Variants in TMPRSS4 observed in about 807,000 individuals in gnomAD.
TMPRSS4 encodes the protein transmembrane serine protease 4.
TMPRSS4 carries 45 observed loss-of-function variants against 56.4 expected under a neutral mutation model. The observed-to-expected ratio is 0.80, with a 90% CI of 0.63 to 1.02. TMPRSS4 has a LOEUF of 1.02. Ranked by LOEUF, TMPRSS4 falls within the 50% of genes least tolerant of loss-of-function variation. TMPRSS4 has a pLI of 0.00. For synonymous variants in TMPRSS4, 205 were observed against 211.0 expected, an observed-to-expected ratio of 0.97 and a Z score of 0.25; for missense variants, 546 against 556.7, an observed-to-expected ratio of 0.98 and a Z score of 0.19.
chr11:118,118,121 T>G lies in TMPRSS4; in HGVS notation c.*208T>G. 7.0e-7 allele frequency: 1 copy of G among 1,427,474 alleles called. No homozygotes were observed. 88.4% of individuals were successfully genotyped at this position (1,427,474 alleles called of 1,614,324 possible). On this transcript the variant is annotated 3_prime_UTR_variant, in exon 13 of 13. Coordinates refer to ENST00000437212, the MANE Select transcript of TMPRSS4 (RefSeq NM_019894.4). ...CCCAGAGGAAGTCAGCAGCCCTAGC[T>G]CGGCCACACTTGGTGCTCCCAGCAT...
In TMPRSS4 at chr11:118,104,705, G is replaced by T; in HGVS notation, c.325G>T (p.Asp109Tyr). 6.2e-7 allele frequency: 1 copy of T among 1,613,330 alleles called. No homozygotes were observed. Among genetic ancestry groups the T allele is most frequent in the Non-Finnish European group, 8.5e-7 (1 of 1,179,760 alleles). Residue 109 changes from aspartate (D) to tyrosine (Y), a missense_variant, in exon 5 of 13, where the codon GAC (aspartate) becomes TAC (tyrosine). Coordinates refer to ENST00000437212, the MANE Select transcript of TMPRSS4 (RefSeq NM_019894.4). Reference sequence around the variant, plus strand: ...TTTCCTCCCAGTCCGCCTCTCCAAGGACCGATCCACACTGCAGGTGCTGGA... The same window carrying T: ...TTTCCTCCCAGTCCGCCTCTCCAAGTACCGATCCACACTGCAGGTGCTGGA... ...GPAVAVRLSK[D>Y]RSTLQVLDSA... is the part of the protein sequence containing the mutation.
intron 6 of TMPRSS4, chr11:118,108,527 T>G: frequency 6.4e-6 from 2 of 314,392 alleles, no homozygotes; most frequent in Non-Finnish European, 1.2e-5. Context: ...CATTCTTCCA[T>G]TTGGAAAGCC....
chr11:118,123,156 A>G (rs189092865), downstream of TMPRSS4, among the ~76,000 whole-genome samples: 33 of 152,128 alleles, frequency 2.2e-4, no homozygotes, highest in Middle Eastern at 3.4e-3. Flanking sequence ...GTCACATAAT[A>G]CCCTCATATC....
At chr11:118,084,898 T>G (rs1261498843) in intron 1 of TMPRSS4, among the ~76,000 whole-genome samples, 1 of 152,180 alleles carries the variant, frequency 6.6e-6, no homozygotes, top group Non-Finnish European at 1.5e-5. Flanking sequence ...TGTCCCTGCC[T>G]CAGAGTTCAG....
chr11:118,098,865 C>G, intron 2 of TMPRSS4, 120 bp from the exon 3 acceptor site: 1 of 719,542 alleles, frequency 1.4e-6, no homozygotes, highest in South Asian at 1.9e-5. Context: ...CAGCATTAAC[C>G]AAAACTGTGC....
At chr11:118,112,379 CTTTTTTTTTTTTTTT>C (rs71469160) in intron 8 of TMPRSS4, among the ~76,000 whole-genome samples, 3 of 45,674 alleles carry the variant, frequency 6.6e-5, no homozygotes, top group South Asian at 1.4e-3. Flanking sequence ...ACCCCCTTCA[CTTTTTTTTTTTTTTT>C]TTTTTTTTTT....
At chr11:118,080,766 C>T (rs1266408466) in intron 1 of TMPRSS4, among the ~76,000 whole-genome samples, 1 of 152,158 alleles carries the variant, frequency 6.6e-6, no homozygotes, top group African/African-American at 2.4e-5. Flanking sequence ...TCCCAAAGCC[C>T]CAGAAACGCC....
At position 118,094,868 on chromosome 11, in the gene TMPRSS4, C is replaced by T. The variant is rs1338289687; in HGVS notation, c.43+13C>T. On this transcript the variant is annotated intron_variant, in intron 2 of 12. Coordinates refer to ENST00000437212, the MANE Select transcript of TMPRSS4 (RefSeq NM_019894.4). ...CTGAACAGCCTCGGTAAGTTCAGGTCCGGCTTTCATTCGTCCACCTTAGCC... is the reference window on the plus strand; with the variant it reads ...CTGAACAGCCTCGGTAAGTTCAGGTTCGGCTTTCATTCGTCCACCTTAGCC... 6.2e-7 allele frequency: 1 copy of T among 1,611,606 alleles called. No homozygotes were observed. Among genetic ancestry groups the T allele is most frequent in the East Asian group, 2.2e-5 (1 of 44,840 alleles).
At chr11:118,115,314 A>T (rs111978652) in intron 11 of TMPRSS4, 34 bp downstream of exon 11, 39 of 1,608,238 alleles carry the variant, frequency 2.4e-5, no homozygotes, top group African/African-American at 1.7e-4. Context: ...GAGTTCTAAG[A>T]ATAGGGTTTA....
At chr11:118,089,557 A>G (rs1332188056) in intron 1 of TMPRSS4, among the ~76,000 whole-genome samples, 1 of 152,214 alleles carries the variant, frequency 6.6e-6, no homozygotes, top group Non-Finnish European at 1.5e-5. Context: ...ATCATCCCCA[A>G]CAAAAGCTGG....
intron 3 of TMPRSS4, 26 bp downstream of exon 3, chr11:118,099,124 T>G: frequency 6.3e-7 from 1 of 1,596,556 alleles, no homozygotes. Context: ...TACCCGACTT[T>G]CACCCTCTAA....
intron 2 of TMPRSS4, chr11:118,095,283 G>A: frequency 6.1e-6 from 1 of 164,674 alleles, no homozygotes; most frequent in South Asian, 1.8e-4. Context: ...TGATTTCCAA[G>A]GGAAGAAAAC....
Position 118,119,257 on chromosome 11 carries a change from G to A in TMPRSS4, c.*1344G>A. ...CGAGACCTATATGAAGGCTGGCAGT[G>A]GAGCTAAACCTGGACACACTGAAGA... On this transcript the variant is annotated 3_prime_UTR_variant, in exon 13 of 13. Coordinates refer to ENST00000437212, the MANE Select transcript of TMPRSS4 (RefSeq NM_019894.4). 3.0e-6 allele frequency: 3 copies of A among 985,396 alleles called. No homozygotes were observed. The highest frequency in any genetic ancestry group is 5.2e-4 in the Middle Eastern group (1 of 1,914). 61.0% of individuals were successfully genotyped at this position (985,396 alleles called of 1,614,324 possible).
chr11:118,099,019 G>A lies in TMPRSS4; in HGVS notation c.78G>A (p.Met26Ile). 6.2e-7 allele frequency: 1 copy of A among 1,613,928 alleles called. No homozygotes were observed. Among genetic ancestry groups the A allele is most frequent in the Non-Finnish European group, 8.5e-7 (1 of 1,179,924 alleles). ...VKPLRKPRIP[M>I]ETFRKVGIPI... ...CCCTGCGCAAACCCCGTATCCCCAT[G>A]GAGACCTTCAGAAAGGTGGGGATCC... The change falls in exon 3 of 13, where the codon ATG (methionine) becomes ATA (isoleucine). Residue 26 changes from methionine (M) to isoleucine (I), a missense_variant. Transcript: ENST00000437212.
At chr11:118,124,818 G>A (rs1012913752), downstream of TMPRSS4, among the ~76,000 whole-genome samples, 4 of 152,224 alleles carry the variant, frequency 2.6e-5, no homozygotes, top group Non-Finnish European at 5.9e-5. Context: ...AGTCCAAGAA[G>A]TAATATCAAC....
Position 118,117,924 on chromosome 11 carries a change from C to T in TMPRSS4, c.*11C>T, listed in dbSNP as rs1332703945. 2 of 1,613,142 alleles carry T rather than the reference C, an allele frequency of 1.2e-6. No homozygotes were observed. The highest frequency in any genetic ancestry group is 1.7e-6 in the Non-Finnish European group (2 of 1,180,038). ...TAGGCTGAGCTGTAATGCTGCTGCCCCTTTGCAGTGCTGGGAGCCGCTTCC... is the reference window on the plus strand; with the variant it reads ...TAGGCTGAGCTGTAATGCTGCTGCCTCTTTGCAGTGCTGGGAGCCGCTTCC... On this transcript the variant is annotated 3_prime_UTR_variant, in exon 13 of 13. Coordinates refer to ENST00000437212, the MANE Select transcript of TMPRSS4 (RefSeq NM_019894.4).
intron 7 of TMPRSS4, 147 bp downstream of exon 7, chr11:118,109,043 T>A: frequency 1.3e-6 from 1 of 799,750 alleles, no homozygotes; most frequent in Non-Finnish European, 2.0e-6. Context: ...CAATGCCCCC[T>A]CGAGTTGTTG....
intron 1 of TMPRSS4, among the ~76,000 whole-genome samples, chr11:118,079,191 T>C (rs1039324674): frequency 6.6e-6 from 1 of 152,140 alleles, no homozygotes; most frequent in Non-Finnish European, 1.5e-5. Flanking sequence ...TTATACTGCC[T>C]GTGCTGAATA....
intron 1 of TMPRSS4, among the ~76,000 whole-genome samples, chr11:118,082,780 A>G (rs1370138896): frequency 6.6e-6 from 1 of 152,224 alleles, no homozygotes; most frequent in African/African-American, 2.4e-5. Flanking sequence ...AGAGAATATT[A>G]TAAGTGGATC....
Sources: allele counts gnomAD v4.1 joint callset (sites outside exome capture counted in the v4.1 genomes callset), GRCh38; gene constraint gnomAD v4.1.1; transcripts MANE v1.5; gene names NCBI Gene and HGNC (gene_info 2026-07-23, HGNC 2026-07-21).